The following ZNF638 variants were observed in gnomAD, a reference collection of about 807,000 sequenced individuals.
ZNF638 encodes the protein CTCL tumor antigen se33-1.
Under a neutral mutation model 195.6 loss-of-function variants are expected in ZNF638, and 46 were observed. That is an observed-to-expected ratio of 0.24 (90% CI 0.19 to 0.30). The LOEUF is 0.30. Ranked by LOEUF, ZNF638 falls within the 10% of genes least tolerant of loss-of-function variation. ZNF638 has a pLI of 1.00. For missense variants in ZNF638, 2,440 were observed against 2,325.3 expected (o/e 1.05, Z -1.01); for synonymous variants, 845 against 772.0 (o/e 1.09, Z -1.57).
chr2:71,337,482 G>A (rs1002272862), intron 1 of ZNF638, among the ~76,000 whole-genome samples: 1 of 151,914 alleles, frequency 6.6e-6, no homozygotes, highest in Admixed American at 6.6e-5. Context: ...GAGTGATCTC[G>A]GCTCACTGCA....
chr2:71,353,822 A>G (rs1475067072), intron 2 of ZNF638, among the ~76,000 whole-genome samples: 1 of 152,252 alleles, frequency 6.6e-6, no homozygotes, highest in East Asian at 1.9e-4. Context: ...CAAATAAATC[A>G]TGCCCAACCC....
chr2:71,333,004 G>C (rs889417027), intron 1 of ZNF638: 2 of 152,040 alleles, frequency 1.3e-5, no homozygotes, highest in African/African-American at 4.8e-5. Flanking sequence ...TATTTTTTCA[G>C]GGATGTTGTG....
chr2:71,335,477 A>G (rs1030282989), intron 1 of ZNF638, among the ~76,000 whole-genome samples: 2 of 152,226 alleles, frequency 1.3e-5, no homozygotes, highest in South Asian at 2.1e-4. Flanking sequence ...TTAAACTTTT[A>G]GCTAACTTGC....
In ZNF638 at chr2:71,426,904, C is replaced by T. The variant is rs1232439147; in HGVS notation, c.5035C>T (p.Arg1679Cys). 9.3e-6 allele frequency: 15 copies of T among 1,614,002 alleles called. No homozygotes were observed. The highest frequency in any genetic ancestry group is 3.3e-5 in the South Asian group (3 of 91,084). Residue 1679 changes from arginine (R) to cysteine (C), a missense_variant, in exon 24 of 28, where the codon CGC becomes TGC. Around this residue, in one of 5 missense-constraint regions of ZNF638, gnomAD observed 1,883 missense variants for 1,739.1 expected, o/e 1.08. Transcript: ENST00000264447. ...AEEQDLLKQE[R>C]LVTVDEIGEV... ...AGAACAAGATCTCCTCAAACAGGAACGCTTGGTAACTGTGGATGAAATTGG... is the reference window on the plus strand; with the variant it reads ...AGAACAAGATCTCCTCAAACAGGAATGCTTGGTAACTGTGGATGAAATTGG...
intron 12 of ZNF638, 73 bp from the exon 13 acceptor site, chr2:71,399,486 A>G: frequency 4.0e-6 from 4 of 1,000,594 alleles, no homozygotes; most frequent in African/African-American, 1.7e-5. Context: ...CTAATTTACT[A>G]ATACATTAGT....
intron 10 of ZNF638, among the ~76,000 whole-genome samples, chr2:71,383,427 C>T (rs1293217065): frequency 2.0e-5 from 3 of 152,118 alleles, no homozygotes; most frequent in East Asian, 1.9e-4. Flanking sequence ...GATTCCAAAG[C>T]GTTGCATATA....
chr2:71,420,679 C>A (rs4852785), intron 21 of ZNF638, among the ~76,000 whole-genome samples: 72,737 of 152,008 alleles, frequency 0.48, 18,902 homozygotes, highest in Admixed American at 0.61. Context: ...CTTTTCTGTT[C>A]CATTTCCCAG....
Position 71,431,714 on chromosome 2 carries a change from A to G in ZNF638, c.5752+286A>G, listed in dbSNP as rs370581048. 2.6e-5 allele frequency among the ~76,000 whole-genome samples: 4 copies of G among 151,454 alleles called. No individual in the cohort carries two copies. The East Asian group carries it at 5.9e-4, about 22-fold the overall frequency. ...GGCGGAGCTTGCAGTGAGCCGAGAT[A>G]GCGCCACTGCACTCCAGCCTGGGCG... On this transcript the variant is annotated intron_variant, in intron 26 of 27. Coordinates refer to ENST00000264447, the MANE Select transcript of ZNF638 (RefSeq NM_014497.5).
chr2:71,336,372 C>CAAAAAAA (rs66593443), intron 1 of ZNF638, among the ~76,000 whole-genome samples: 5 of 105,542 alleles, frequency 4.7e-5, no homozygotes, highest in Admixed American at 2.1e-4. Context: ...ATTCCATCTC[C>CAAAAAAA]AAAAAAAAAA....
rs1267901648 is a variant in ZNF638, at chr2:71,349,814, T to A, written c.860T>A (p.Val287Asp). 1.9e-6 allele frequency: 3 copies of A among 1,614,084 alleles called. No homozygotes were observed. The highest frequency in any genetic ancestry group is 2.5e-6 in the Non-Finnish European group (3 of 1,180,046). The stretch of plus-strand genomic sequence containing the variant: ...TCCAATAATCGGTCCTTTTTCTCAG[T>A]TGAGAGTGGAACCAAGATGTCAGGC... ...ESSNNRSFFSVESGTKMSGLH... is the reference protein window; with the variant it reads ...ESSNNRSFFSDESGTKMSGLH... Residue 287 changes from valine (V) to aspartate (D), a missense_variant, in exon 2 of 28, where the codon GTT becomes GAT. Val to Asp is a radical substitution (Grantham distance 152). Around this residue, in one of 5 missense-constraint regions of ZNF638, gnomAD observed 305 missense variants for 283.6 expected, o/e 1.08. Coordinates refer to ENST00000264447, the MANE Select transcript of ZNF638 (RefSeq NM_014497.5).
chr2:71,369,246 C>T (rs544199728), intron 7 of ZNF638, among the ~76,000 whole-genome samples: 2 of 151,568 alleles, frequency 1.3e-5, no homozygotes, highest in African/African-American at 4.8e-5. Flanking sequence ...TCTCTTGAAC[C>T]CGGGAGGCAG....
In ZNF638 at chr2:71,348,896, C is replaced by T. The variant is rs770123040; in HGVS notation, c.-59C>T. 1.2e-6 allele frequency: 2 copies of T among 1,614,002 alleles called. No individual in the cohort carries two copies. Among genetic ancestry groups the T allele is most frequent in the South Asian group, 1.1e-5 (1 of 91,016 alleles). On this transcript the variant is annotated 5_prime_UTR_variant, in exon 2 of 28. Transcript: ENST00000264447. ...GCGCTTCAGCAGCTGAATGCCGTTG[C>T]CTCACATGGTTCAACACCACCTTAT... is the stretch of plus-strand genomic sequence containing the variant.
At chr2:71,409,985 C>T (rs116162625) in intron 20 of ZNF638, among the ~76,000 whole-genome samples, 1,929 of 152,192 alleles carry the variant, frequency 0.013, 38 homozygotes, top group African/African-American at 0.041. Flanking sequence ...TTGAAACTGA[C>T]TTTATTTTGC....
rs2080555131 is a variant in ZNF638 at position 71,427,109 on chromosome 2, A to G, written c.5240A>G (p.His1747Arg). ...DEIQDDSSDLHLVTLDEVTEE... is the reference protein window; with the variant it reads ...DEIQDDSSDLRLVTLDEVTEE... The stretch of plus-strand genomic sequence containing the variant: ...ATACAAGATGACAGCAGTGATTTGC[A>G]TTTAGTGACTTTGGATGAAGTAACT... Residue 1747 changes from histidine (H) to arginine (R), a missense_variant, in exon 24 of 28, where the codon CAT becomes CGT. His to Arg is a conservative substitution (Grantham distance 29). Transcript: ENST00000264447. The G allele has an allele frequency of 1.2e-6, 2 of 1,614,190 alleles. No homozygotes were observed. Among genetic ancestry groups the G allele is most frequent in the Non-Finnish European group, 8.5e-7 (1 of 1,180,022 alleles).
At chr2:71,338,340 C>T (rs369067162) in intron 1 of ZNF638, among the ~76,000 whole-genome samples, 84 of 152,298 alleles carry the variant, frequency 5.5e-4, no homozygotes, top group African/African-American at 1.8e-3. Context: ...TCCCTTCTTC[C>T]GCATTGATTA....
rs768031245 is a variant in ZNF638 at position 71,349,617 on chromosome 2, A to C, written c.663A>C (p.Glu221Asp). ...ATGCAAGCAAATATGGCTACACAGA[A>C]GATCCACTTGAAGTACGTATTTATG... is the stretch of plus-strand genomic sequence containing the variant. ...YGHASKYGYT[E>D]DPLEVRIYDP... Residue 221 changes from glutamate (E) to aspartate (D), a missense_variant, in exon 2 of 28, where the codon GAA becomes GAC. Glu to Asp is a conservative substitution (Grantham distance 45). Transcript: ENST00000264447. 1.2e-6 allele frequency: 2 copies of C among 1,614,212 alleles called. No individual in the cohort carries two copies.
chr2:71,380,750 C>A (rs2079521770), intron 10 of ZNF638, 185 bp downstream of exon 10: 2 of 444,522 alleles, frequency 4.5e-6, no homozygotes, highest in South Asian at 9.9e-5. Context: ...AGAATCACTT[C>A]TGGAGTAAAT....
intron 3 of ZNF638, among the ~76,000 whole-genome samples, chr2:71,362,650 C>A (rs2079129098): frequency 6.6e-6 from 1 of 152,176 alleles, no homozygotes; most frequent in African/African-American, 2.4e-5. Flanking sequence ...GAAATCTAAC[C>A]TGATCCATTC....
chr2:71,380,441 T>C lies in ZNF638; in HGVS notation c.2325-72T>C. The C allele has an allele frequency of 2.2e-6, 3 of 1,376,236 alleles. No individual in the cohort carries two copies. The East Asian group carries it at 7.1e-5, about 32-fold the overall frequency. 85.3% of individuals were successfully genotyped at this position (1,376,236 alleles called of 1,614,324 possible). Reference sequence around the variant, plus strand: ...TATTTTAAACGTTTTTAGGTTTAAATATTACATTTTTAGGATTTTGTAGAA... The same window carrying C: ...TATTTTAAACGTTTTTAGGTTTAAACATTACATTTTTAGGATTTTGTAGAA... On this transcript the variant is annotated intron_variant, in intron 9 of 27. Transcript: ENST00000264447.
Sources: allele counts gnomAD v4.1 joint callset (sites outside exome capture counted in the v4.1 genomes callset), GRCh38; gene constraint gnomAD v4.1.1; regional missense constraint gnomAD v4.1.1; transcripts MANE v1.5; gene names NCBI Gene and HGNC (gene_info 2026-07-23, HGNC 2026-07-21).